RNF138: variants seen among roughly 807,000 people sequenced by gnomAD.
RNF138 encodes E3 ubiquitin-protein ligase RNF138.
In RNF138, 12 loss-of-function variants were observed where a neutral mutation model predicts 31.0. The observed-to-expected ratio is 0.39, with a 90% CI of 0.25 to 0.63. The LOEUF is 0.63. Among genes scored for constraint, RNF138 ranks in the 20% least tolerant of loss-of-function variants. RNF138 has a pLI of 0.52. For synonymous variants in RNF138, 105 were observed against 99.5 expected (o/e 1.06, Z -0.33); for missense variants, 192 against 300.1 (o/e 0.64, Z 2.66).
chr18:32,118,841 A>AAATAATAAT (rs370275912), intron 4 of RNF138, among the ~76,000 whole-genome samples: 1 of 151,994 alleles, frequency 6.6e-6, no homozygotes, highest in South Asian at 2.1e-4. Context: ...AAAAAAAAGA[A>AAATAATAAT]AATAATAATA....
intron 2 of RNF138, chr18:32,109,480 C>G (rs1375291496): frequency 6.6e-6 from 1 of 152,274 alleles, no homozygotes; most frequent in Non-Finnish European, 1.5e-5. Flanking sequence ...TGCTGTGTTA[C>G]CCAGGCGGGC....
intron 7 of RNF138, among the ~76,000 whole-genome samples, chr18:32,127,493 A>T (rs1367233358): frequency 6.6e-6 from 1 of 152,244 alleles, no homozygotes; most frequent in East Asian, 1.9e-4. Flanking sequence ...AAGCAGAGTG[A>T]CATGAACAAA....
At chr18:32,108,069 G>C (rs920910712) in intron 2 of RNF138, among the ~76,000 whole-genome samples, 1 of 150,784 alleles carries the variant, frequency 6.6e-6, no homozygotes, top group African/African-American at 2.4e-5. Flanking sequence ...TGGCCAGGCT[G>C]GTCTTGACCT....
chr18:32,124,588 T>C, intron 5 of RNF138, 146 bp from the exon 6 acceptor site: 1 of 594,630 alleles, frequency 1.7e-6, no homozygotes, highest in Non-Finnish European at 3.0e-6. Flanking sequence ...ATTTCCTGAA[T>C]ACATATGTTC....
chr18:32,118,623 G>T (rs2040254056), intron 4 of RNF138, among the ~76,000 whole-genome samples: 1 of 151,986 alleles, frequency 6.6e-6, no homozygotes, highest in Non-Finnish European at 1.5e-5. Flanking sequence ...TAGGTCAGAA[G>T]TTCGAGACCA....
chr18:32,108,758 C>T (rs1385709781), intron 2 of RNF138, among the ~76,000 whole-genome samples: 1 of 151,892 alleles, frequency 6.6e-6, no homozygotes, highest in Non-Finnish European at 1.5e-5. Context: ...AGCCTTGACC[C>T]CCTGGACTCA....
At chr18:32,092,670 G>C (rs1175934604) in intron 1 of RNF138, 30 bp from the exon 2 acceptor site, 2 of 706,478 alleles carry the variant, frequency 2.8e-6, no homozygotes, top group South Asian at 3.1e-5. Flanking sequence ...ATCCTGATGC[G>C]ATCCCCCTCC....
intron 7 of RNF138, among the ~76,000 whole-genome samples, chr18:32,128,294 G>C (rs369510280): frequency 6.6e-6 from 1 of 152,166 alleles, no homozygotes; most frequent in South Asian, 2.1e-4. Flanking sequence ...TCCCAGTACT[G>C]TGGGAGGCCG....
chr18:32,107,363 C>T (rs992738206), intron 2 of RNF138, among the ~76,000 whole-genome samples: 6 of 151,650 alleles, frequency 4.0e-5, no homozygotes, highest in East Asian at 1.9e-4. Flanking sequence ...TCAGGCAGTC[C>T]GCCCTCCTCG....
intron 5 of RNF138, among the ~76,000 whole-genome samples, 180 bp downstream of exon 5, chr18:32,123,754 GTGATTCT>G (rs1390918857): frequency 6.6e-6 from 1 of 151,022 alleles, no homozygotes; most frequent in Non-Finnish European, 1.5e-5. Context: ...TCAGGTTCAA[GTGATTCT>G]CCTGCCTCAG....
Position 32,130,333 on chromosome 18 carries a change from T to G in RNF138, c.*1146T>G, listed in dbSNP as rs1006253736. 3.3e-5 allele frequency: 5 copies of G among 152,392 alleles called. No homozygotes were observed. Among genetic ancestry groups the G allele is most frequent in the African/African-American group, 1.2e-4 (5 of 41,446 alleles). 9.4% of individuals were successfully genotyped at this position (152,392 alleles called of 1,614,324 possible). A position where few individuals can be genotyped will look rare whatever the true frequency, so the allele number is the denominator to read the frequency against. ...ACACAATTACCTGTTTATATGGTGC[T>G]CATTTGTTATTCTCAAATATAATGT... On this transcript the variant is annotated 3_prime_UTR_variant, in exon 8 of 8. Transcript: ENST00000261593.
At chr18:32,128,408 C>T (rs1468620399) in intron 7 of RNF138, among the ~76,000 whole-genome samples, 4 of 152,032 alleles carry the variant, frequency 2.6e-5, no homozygotes, top group Admixed American at 6.6e-5. Context: ...TGTGGTGGTA[C>T]GTATCTGTAA....
intron 4 of RNF138, among the ~76,000 whole-genome samples, chr18:32,115,860 C>T (rs567501634): frequency 2.6e-5 from 4 of 152,278 alleles, no homozygotes; most frequent in South Asian, 2.1e-4. Context: ...GGTTATCCAT[C>T]GTTGCATCAC....
intron 7 of RNF138, 92 bp downstream of exon 7, chr18:32,126,892 G>C: frequency 1.3e-6 from 1 of 745,066 alleles, no homozygotes; most frequent in Admixed American, 2.2e-5. Context: ...GTGGCAAGCT[G>C]TTGTATCTTA....
At position 32,099,187 on chromosome 18, in the gene RNF138, C is replaced by G. The variant is rs952860905; in HGVS notation, c.110+6301C>G. Among the ~76,000 whole-genome samples, 3 of 152,040 alleles carry G rather than the reference C, an allele frequency of 2.0e-5. No individual in the cohort carries two copies. The East Asian group carries it at 5.8e-4, about 29-fold the overall frequency. The stretch of plus-strand genomic sequence containing the variant: ...AGGGTAATGCCCTGTTCTGAAGATA[C>G]GGGCCTTTTCAGGAACATGAAAATT... On this transcript the variant is annotated intron_variant, in intron 2 of 7. Transcript: ENST00000261593.
chr18:32,092,699 G>A lies in RNF138; in HGVS notation c.-77-1G>A, dbSNP rs1050848716. On this transcript the variant is annotated splice_acceptor_variant, in intron 1 of 7. Coordinates refer to ENST00000261593, the MANE Select transcript of RNF138 (RefSeq NM_016271.5). LOFTEE classifies it low-confidence loss of function (5UTR_SPLICE). Reference sequence around the variant, plus strand: ...CCCCTCCCCCCTCCGGGTTCATGTAGGGAGTCGGGCCCCGGGCCGCCACCG... The same window carrying A: ...CCCCTCCCCCCTCCGGGTTCATGTAAGGAGTCGGGCCCCGGGCCGCCACCG... The A allele has an allele frequency of 6.0e-6, 5 of 826,574 alleles. No individual in the cohort carries two copies. Among genetic ancestry groups the A allele is most frequent in the Admixed American group, 2.1e-5 (1 of 48,578 alleles). The allele number at this position is 826,574 out of a possible 1,614,324, so 51.2% of individuals were successfully genotyped here.
intron 2 of RNF138, among the ~76,000 whole-genome samples, chr18:32,102,501 C>CT (rs977749758): frequency 7.3e-5 from 11 of 150,910 alleles, no homozygotes; most frequent in African/African-American, 2.7e-4. Flanking sequence ...GTGCCTGGCC[C>CT]TTTTTTTTAG....
chr18:32,129,371 G>C lies in RNF138; in HGVS notation c.*184G>C, dbSNP rs1459233667. The C allele has an allele frequency of 3.9e-6, 2 of 506,608 alleles. No individual in the cohort carries two copies. The highest frequency in any genetic ancestry group is 7.1e-6 in the Non-Finnish European group (2 of 283,464). The allele number at this position is 506,608 out of a possible 1,614,324, so 31.4% of individuals were successfully genotyped here. Reference sequence around the variant, plus strand: ...TCATCATCTTGATAAGTTAAAAAATGAAAGTTATGACATTAGCTTTAAAGG... The same window carrying C: ...TCATCATCTTGATAAGTTAAAAAATCAAAGTTATGACATTAGCTTTAAAGG... On this transcript the variant is annotated 3_prime_UTR_variant, in exon 8 of 8. Coordinates refer to ENST00000261593, the MANE Select transcript of RNF138 (RefSeq NM_016271.5).
chr18:32,112,426 T>C (rs2040147051), intron 3 of RNF138, among the ~76,000 whole-genome samples: 1 of 152,240 alleles, frequency 6.6e-6, no homozygotes, highest in Non-Finnish European at 1.5e-5. Flanking sequence ...GGCTCATGCC[T>C]GTAATCCCAG....
Sources: allele counts gnomAD v4.1 joint callset (sites outside exome capture counted in the v4.1 genomes callset), GRCh38; gene constraint gnomAD v4.1.1; transcripts MANE v1.5; gene names NCBI Gene and HGNC (gene_info 2026-07-23, HGNC 2026-07-21).